The following SMG7 variants were observed in gnomAD, a reference collection of about 807,000 sequenced individuals.
The protein encoded by SMG7 is SMG7 nonsense mediated mRNA decay factor.
A neutral mutation model predicts 148.2 loss-of-function variants in SMG7; 34 were observed. The observed-to-expected ratio is 0.23, with a 90% CI of 0.17 to 0.31. SMG7 has a LOEUF of 0.31. Ranked by LOEUF, SMG7 falls within the 10% of genes least tolerant of loss-of-function variation. The probability of loss-of-function intolerance (pLI) is 1.00; values close to 1 mark genes in which losing one functional copy is unlikely to be tolerated. For synonymous variants in SMG7, 492 were observed against 515.1 expected, an observed-to-expected ratio of 0.96 and a Z score of 0.61; for missense variants, 1,114 against 1,408.4, an observed-to-expected ratio of 0.79 and a Z score of 3.35.
At chr1:183,529,250 T>C in intron 7 of SMG7, 148 bp from the exon 8 acceptor site, 1 of 933,850 alleles carries the variant, frequency 1.1e-6, no homozygotes, top group South Asian at 1.7e-5. Flanking sequence ...AGGCTGTTAA[T>C]ACTGACTCAT....
intron 1 of SMG7, among the ~76,000 whole-genome samples, chr1:183,485,879 A>G (rs1655300142): frequency 6.6e-6 from 1 of 152,248 alleles, no homozygotes; most frequent in South Asian, 2.1e-4. Context: ...TATACTTTAT[A>G]TGTGACCTGA....
intron 1 of SMG7, among the ~76,000 whole-genome samples, chr1:183,496,784 G>A (rs576099102): frequency 6.6e-6 from 1 of 152,114 alleles, no homozygotes; most frequent in Non-Finnish European, 1.5e-5. Flanking sequence ...ATTGTCTTGG[G>A]CCACACATAA....
At position 183,527,100 on chromosome 1, in the gene SMG7, A is replaced by G. The variant is rs998321197; in HGVS notation, c.484+333A>G. Among the ~76,000 whole-genome samples the G allele has an allele frequency of 6.6e-6, 1 of 152,242 alleles. No homozygotes were observed. Among genetic ancestry groups the G allele is most frequent in the Non-Finnish European group, 1.5e-5 (1 of 68,034 alleles). ...TCTAAATTAAATGTACTCTTCTGGAATAAATGAGGTTTATAAATTACTCCT... is the reference window on the plus strand; with the variant it reads ...TCTAAATTAAATGTACTCTTCTGGAGTAAATGAGGTTTATAAATTACTCCT... On this transcript the variant is annotated intron_variant, in intron 5 of 22. Transcript: ENST00000688051. The surrounding 1 kb of genome is among the most constrained non-coding windows in gnomAD (Gnocchi z 4.0).
At chr1:183,536,462 A>G (rs745857550) in intron 10 of SMG7, among the ~76,000 whole-genome samples, 11 of 152,152 alleles carry the variant, frequency 7.2e-5, no homozygotes, top group Non-Finnish European at 1.3e-4. Flanking sequence ...TTATATGTAA[A>G]GTGATATTTA....
At chr1:183,533,884 T>G in intron 10 of SMG7, 52 bp downstream of exon 10, 1 of 1,478,476 alleles carries the variant, frequency 6.8e-7, no homozygotes, top group East Asian at 2.3e-5. Flanking sequence ...TTGTTTGATA[T>G]CCATAAATAT....
intron 4 of SMG7, among the ~76,000 whole-genome samples, chr1:183,523,269 A>G (rs1161394196): frequency 6.6e-6 from 1 of 152,168 alleles, no homozygotes; most frequent in Admixed American, 6.5e-5. Flanking sequence ...ATAGTGTAAA[A>G]ATTGATAAAT....
intron 1 of SMG7, among the ~76,000 whole-genome samples, chr1:183,508,443 C>T (rs1421162499): frequency 6.6e-6 from 1 of 152,194 alleles, no homozygotes; most frequent in Non-Finnish European, 1.5e-5. Flanking sequence ...CCTCCTGCCT[C>T]AGCCTCCCAA....
chr1:183,480,147 A>C (rs971049247), intron 1 of SMG7, among the ~76,000 whole-genome samples: 1 of 151,710 alleles, frequency 6.6e-6, no homozygotes, highest in Non-Finnish European at 1.5e-5. Flanking sequence ...CTTTAACTGT[A>C]CTCTTTAATG....
chr1:183,516,589 C>T (rs540524260), intron 3 of SMG7, among the ~76,000 whole-genome samples: 47 of 152,280 alleles, frequency 3.1e-4, no homozygotes, highest in African/African-American at 9.6e-4. Flanking sequence ...CTTTGCCTTA[C>T]AAATTGGAAC....
chr1:183,519,997 A>C (rs1393813552), intron 4 of SMG7, among the ~76,000 whole-genome samples: 1 of 151,214 alleles, frequency 6.6e-6, no homozygotes, highest in Non-Finnish European at 1.5e-5. Context: ...TTTTATTTAG[A>C]GTTGTTTGAA....
At position 183,552,746 on chromosome 1, in the gene SMG7, ATT is replaced by A; in HGVS notation, c.*818_*819del. ...CAAATTACGTTTTTGATTCCTGTAC[ATT>A]TTACAGTCGCACAGCAAGCAGTCTC... On this transcript the variant is annotated 3_prime_UTR_variant, in exon 23 of 23. Coordinates refer to ENST00000688051, the MANE Select transcript of SMG7 (RefSeq NM_001375584.1). The A allele has an allele frequency of 7.3e-7, 1 of 1,369,878 alleles. No homozygotes were observed. Among genetic ancestry groups the A allele is most frequent in the South Asian group, 1.8e-5 (1 of 57,084 alleles). The allele number at this position is 1,369,878 out of a possible 1,614,324, so 84.9% of individuals were successfully genotyped here. A position where few individuals can be genotyped will look rare whatever the true frequency, so the allele number is the denominator to read the frequency against.
At chr1:183,541,891 G>A (rs746101690) in intron 13 of SMG7, among the ~76,000 whole-genome samples, 185 bp from the exon 14 acceptor site, 7 of 152,206 alleles carry the variant, frequency 4.6e-5, no homozygotes, top group African/African-American at 7.2e-5. Flanking sequence ...ACGATGTTAA[G>A]TGTGATAATG....
At chr1:183,520,906 T>C (rs1664615487) in intron 4 of SMG7, among the ~76,000 whole-genome samples, 1 of 152,154 alleles carries the variant, frequency 6.6e-6, no homozygotes, top group Non-Finnish European at 1.5e-5. Context: ...ATATGGATAC[T>C]CTCTGAAATT....
intron 18 of SMG7, among the ~76,000 whole-genome samples, chr1:183,548,609 G>T (rs1254139308): frequency 1.3e-5 from 2 of 152,106 alleles, no homozygotes; most frequent in Non-Finnish European, 2.9e-5. Flanking sequence ...CTTGTCGTAG[G>T]TATTTAGTAA....
chr1:183,538,266 A>G (rs1040608178), intron 11 of SMG7, 114 bp from the exon 12 acceptor site: 24 of 712,450 alleles, frequency 3.4e-5, no homozygotes, highest in South Asian at 1.1e-4. Context: ...GCAGAGAACA[A>G]TAAGCATTAT....
At chr1:183,547,655 A>T (rs1208850609) in intron 18 of SMG7, among the ~76,000 whole-genome samples, 96 of 152,326 alleles carry the variant, frequency 6.3e-4, no homozygotes, top group Admixed American at 3.3e-3. Context: ...GAAAGGAAAT[A>T]TGTTCTTGAT....
chr1:183,528,226 AT>A (rs2102593374), intron 6 of SMG7, among the ~76,000 whole-genome samples, 199 bp downstream of exon 6: 1 of 152,114 alleles, frequency 6.6e-6, no homozygotes, highest in Admixed American at 6.5e-5. Context: ...TTTATTATTT[AT>A]TTTATTTTAT....
At chr1:183,539,705 G>A (rs947713704) in intron 12 of SMG7, among the ~76,000 whole-genome samples, 9 of 152,174 alleles carry the variant, frequency 5.9e-5, no homozygotes, top group Non-Finnish European at 1.2e-4. Flanking sequence ...ATATGACCAA[G>A]CTAGAAATCT....
At position 183,487,297 on chromosome 1, in the gene SMG7, A is replaced by G. The variant is rs187685500; in HGVS notation, c.29+14648A>G. Reference sequence around the variant, plus strand: ...TTCCATCTTCAAAGCCAGTAGTCACATTACTCTATATTCTACTTCCCCCAC... The same window carrying G: ...TTCCATCTTCAAAGCCAGTAGTCACGTTACTCTATATTCTACTTCCCCCAC... On this transcript the variant is annotated intron_variant, in intron 1 of 22. Transcript: ENST00000688051. 8.7e-4 allele frequency among the ~76,000 whole-genome samples: 133 copies of G among 152,068 alleles called. 2 individuals are homozygous for G. The East Asian group carries it at 0.018, about 21-fold the overall frequency.
Sources: allele counts gnomAD v4.1 joint callset (sites outside exome capture counted in the v4.1 genomes callset), GRCh38; gene constraint gnomAD v4.1.1; non-coding constraint Gnocchi (gnomAD v3.1); transcripts MANE v1.5; gene names NCBI Gene and HGNC (gene_info 2026-07-23, HGNC 2026-07-21).